Variants in ETV6 observed in about 807,000 individuals in gnomAD.
ETV6 encodes the protein transcription factor ETV6.
Under a neutral mutation model 51.1 loss-of-function variants are expected in ETV6, and 16 were observed. That is an observed-to-expected ratio of 0.31 (90% CI 0.21 to 0.48). The LOEUF is 0.48. Ranked by LOEUF, ETV6 falls within the 20% of genes least tolerant of loss-of-function variation. The pLI is 0.99. For synonymous variants in ETV6, 240 were observed against 224.1 expected, an observed-to-expected ratio of 1.07 and a Z score of -0.64; for missense variants, 458 against 594.8, an observed-to-expected ratio of 0.77 and a Z score of 2.39.
At chr12:11,667,552 A>T (rs1209937265) in intron 1 of ETV6, among the ~76,000 whole-genome samples, 6 of 129,538 alleles carry the variant, frequency 4.6e-5, no homozygotes, top group Middle Eastern at 3.9e-3. Flanking sequence ...TTTTTTTTTT[A>T]AATGGGGACT....
chr12:11,771,010 A>T (rs1945235556), intron 2 of ETV6, among the ~76,000 whole-genome samples: 1 of 152,182 alleles, frequency 6.6e-6, no homozygotes, highest in Non-Finnish European at 1.5e-5. Context: ...ACCAACATCT[A>T]GTCTATTTGT....
intron 1 of ETV6, among the ~76,000 whole-genome samples, chr12:11,734,832 C>T (rs1470937517): frequency 6.6e-6 from 1 of 152,150 alleles, no homozygotes; most frequent in Non-Finnish European, 1.5e-5. Flanking sequence ...AGCCTGGATG[C>T]TTCCAAGCCG....
intron 2 of ETV6, among the ~76,000 whole-genome samples, chr12:11,793,253 C>G (rs895776293): frequency 1.3e-5 from 2 of 152,114 alleles, no homozygotes; most frequent in Non-Finnish European, 2.9e-5. Flanking sequence ...TCCCAAGAGC[C>G]CTTTGAGAAG....
chr12:11,874,779 C>G (rs1443368669), intron 5 of ETV6, among the ~76,000 whole-genome samples: 1 of 150,062 alleles, frequency 6.7e-6, no homozygotes, highest in Non-Finnish European at 1.5e-5. Context: ...TCTATTATCA[C>G]TGAAATTCCA....
In ETV6 at chr12:11,893,798, A is replaced by T. The variant is rs1309379575; in HGVS notation, c.*2752A>T. 2.9e-4 allele frequency: 2 copies of T among 6,896 alleles called. No individual in the cohort carries two copies. The highest frequency in any genetic ancestry group is 7.3e-4 in the Non-Finnish European group (2 of 2,746). 0.4% of individuals were successfully genotyped at this position (6,896 alleles called of 1,614,324 possible). A position where few individuals can be genotyped will look rare whatever the true frequency, so the allele number is the denominator to read the frequency against. On this transcript the variant is annotated 3_prime_UTR_variant, in exon 8 of 8. Transcript: ENST00000396373. ...CCATCCCCAAGATCTCTCATTTTAT[A>T]TATATATATATATATATATATATAT...
chr12:11,805,535 G>A (rs1565533017), intron 2 of ETV6, among the ~76,000 whole-genome samples: 2 of 152,228 alleles, frequency 1.3e-5, no homozygotes, highest in Non-Finnish European at 2.9e-5. Flanking sequence ...ATCTGGTCTG[G>A]TGTGTCGCAT....
intron 2 of ETV6, among the ~76,000 whole-genome samples, chr12:11,761,453 C>CT (rs1004059636): frequency 1.3e-5 from 2 of 152,116 alleles, no homozygotes; most frequent in Admixed American, 6.5e-5. Flanking sequence ...TATTTTCCAT[C>CT]TTTTTTAAAG....
chr12:11,752,587 TTCGTGAC>T lies in ETV6; in HGVS notation c.163+9_163+15del. 3.1e-6 allele frequency: 5 copies of T among 1,609,558 alleles called. No homozygotes were observed. The highest frequency in any genetic ancestry group is 4.2e-6 in the Non-Finnish European group (5 of 1,178,758). On this transcript the variant is annotated intron_variant, in intron 2 of 7. Transcript: ENST00000396373. ...GCCTGCCTGCGCACCTGCGTGAGTG[TTCGTGAC>T]CCGAGAGGGACAGAGGATTGATGGC...
At chr12:11,805,408 G>A (rs1366042967) in intron 2 of ETV6, among the ~76,000 whole-genome samples, 1 of 152,128 alleles carries the variant, frequency 6.6e-6, no homozygotes, top group East Asian at 1.9e-4. Context: ...ATCTGGTTTA[G>A]TGGGACGTCA....
chr12:11,777,457 T>C lies in ETV6; in HGVS notation c.163+24878T>C, dbSNP rs564466339. On this transcript the variant is annotated intron_variant, in intron 2 of 7. Transcript: ENST00000396373. The stretch of plus-strand genomic sequence containing the variant: ...CTCTTTACTGTGGAGTTTTTTTGTT[T>C]TTTTTTTCTTCTGGCATTGCCCAGG... Among the ~76,000 whole-genome samples the C allele has an allele frequency of 1.1e-4, 16 of 152,114 alleles. No individual in the cohort carries two copies. The East Asian group carries it at 3.1e-3, about 29-fold the overall frequency.
At chr12:11,887,749 G>GAAA (rs58685356) in intron 7 of ETV6, among the ~76,000 whole-genome samples, 3 of 97,390 alleles carry the variant, frequency 3.1e-5, no homozygotes, top group East Asian at 2.6e-4. Flanking sequence ...TCCATCTCAA[G>GAAA]AAAAAAAAAA....
intron 4 of ETV6, among the ~76,000 whole-genome samples, chr12:11,863,422 C>T (rs1946744362): frequency 6.6e-6 from 1 of 152,200 alleles, no homozygotes; most frequent in South Asian, 2.1e-4. Flanking sequence ...TCAGAAAACA[C>T]TTCCAACCAG....
intron 7 of ETV6, among the ~76,000 whole-genome samples, chr12:11,890,124 ATTT>A (rs34570955): frequency 8.4e-5 from 11 of 131,036 alleles, no homozygotes; most frequent in Admixed American, 1.5e-4. Context: ...ATTGTAAAAG[ATTT>A]TTTTTTTTTT....
At chr12:11,702,159 G>A (rs11054421) in intron 1 of ETV6, among the ~76,000 whole-genome samples, 48,739 of 151,930 alleles carry the variant, frequency 0.32, 8,025 homozygotes, top group East Asian at 0.43. Context: ...GGAAGGGAGC[G>A]TGGTTGCAGC....
At chr12:11,722,978 G>C (rs1051455500) in intron 1 of ETV6, among the ~76,000 whole-genome samples, 1 of 152,162 alleles carries the variant, frequency 6.6e-6, no homozygotes. Flanking sequence ...GAAGTTCCCG[G>C]TTCCAGGGAC....
chr12:11,655,645 G>C (rs1268746296), intron 1 of ETV6, among the ~76,000 whole-genome samples: 3 of 152,200 alleles, frequency 2.0e-5, no homozygotes, highest in African/African-American at 7.2e-5. Flanking sequence ...GCTTGGAACT[G>C]TTCCTTTAGT....
rs573786573 is a variant in ETV6 at position 11,825,399 on chromosome 12, G to A, written c.164-13741G>A. 3.9e-5 allele frequency among the ~76,000 whole-genome samples: 6 copies of A among 152,282 alleles called. No individual in the cohort carries two copies. The South Asian group carries it at 1.2e-3, about 32-fold the overall frequency. On this transcript the variant is annotated intron_variant, in intron 2 of 7. Coordinates refer to ENST00000396373, the MANE Select transcript of ETV6 (RefSeq NM_001987.5). Reference sequence around the variant, plus strand: ...AAAAAGTGACAAATATTGAAGAACGGCAAAGAAATTTCACCACGTGGATAA... The same window carrying A: ...AAAAAGTGACAAATATTGAAGAACGACAAAGAAATTTCACCACGTGGATAA...
chr12:11,811,271 C>T (rs182521977), intron 2 of ETV6, among the ~76,000 whole-genome samples: 1 of 152,306 alleles, frequency 6.6e-6, no homozygotes, highest in East Asian at 1.9e-4. Context: ...TTATATAAAG[C>T]TTGGCAATCA....
intron 1 of ETV6, among the ~76,000 whole-genome samples, chr12:11,730,166 TC>T (rs1277310077): frequency 6.6e-6 from 1 of 152,188 alleles, no homozygotes; most frequent in African/African-American, 2.4e-5. Context: ...TGACAACTCT[TC>T]CTCTACAATC....
Sources: allele counts gnomAD v4.1 joint callset (sites outside exome capture counted in the v4.1 genomes callset), GRCh38; gene constraint gnomAD v4.1.1; transcripts MANE v1.5; gene names NCBI Gene and HGNC (gene_info 2026-07-23, HGNC 2026-07-21).